SLC24A1: variants seen among roughly 807,000 people sequenced by gnomAD.
The protein encoded by SLC24A1 is sodium/potassium/calcium exchanger 1.
Under a neutral mutation model 88.1 loss-of-function variants are expected in SLC24A1, and 52 were observed. The ratio of observed to expected loss-of-function variants is 0.59; its 90% CI spans 0.47 to 0.74. The LOEUF (loss-of-function observed/expected upper bound fraction) is 0.74. Among genes scored for constraint, SLC24A1 ranks in the 30% least tolerant of loss-of-function variants. The probability of loss-of-function intolerance (pLI) is 0.00; values close to 1 mark genes in which losing one functional copy is unlikely to be tolerated. For synonymous variants in SLC24A1, 455 were observed against 498.0 expected, an observed-to-expected ratio of 0.91 and a Z score of 1.15; for missense variants, 1,173 against 1,363.3, an observed-to-expected ratio of 0.86 and a Z score of 2.20.
chr15:65,626,724 G>A (rs1278688266), intron 2 of SLC24A1, among the ~76,000 whole-genome samples: 1 of 152,138 alleles, frequency 6.6e-6, no homozygotes, highest in Non-Finnish European at 1.5e-5. Context: ...TTCATTGGAT[G>A]ATTCAATAAC....
chr15:65,639,821 T>C lies in SLC24A1; in HGVS notation c.2053+118T>C, dbSNP rs945339364. ...GCAGTGAGGAGGGAGTGGGAAGAGA[T>C]AATAAGCAGAGGAAAGTAGTAAAAG... On this transcript the variant is annotated intron_variant, in intron 4 of 9. Transcript: ENST00000261892. 4.1e-6 allele frequency: 3 copies of C among 735,486 alleles called. No individual in the cohort carries two copies. In the South Asian group the frequency reaches 4.5e-5, roughly 11 times the overall value. The allele number at this position is 735,486 out of a possible 1,614,324, so 45.6% of individuals were successfully genotyped here. A position where few individuals can be genotyped will look rare whatever the true frequency, so the allele number is the denominator to read the frequency against.
In SLC24A1 at chr15:65,654,074, G is replaced by A; in HGVS notation, c.3295G>A (p.Val1099Ile). 4 of 1,611,688 alleles carry A rather than the reference G, an allele frequency of 2.5e-6. No homozygotes were observed. The highest frequency in any genetic ancestry group is 3.4e-6 in the Non-Finnish European group (4 of 1,178,068). ...TCGAATCATATCCTGTCCTGTATCT[G>A]TCTGAATCAGTCACTCTTGCTCACA... ...EDRIISCPVS[V>I] The change falls in exon 10 of 10, where the codon GTC becomes ATC. Residue 1099 changes from valine to isoleucine, a missense_variant. Transcript: ENST00000261892.
chr15:65,643,954 T>C (rs759979163), intron 4 of SLC24A1: 13 of 173,498 alleles, frequency 7.5e-5, no homozygotes, highest in Non-Finnish European at 1.2e-4. Context: ...GATAATATAG[T>C]CCAAGGATGG....
downstream of SLC24A1, among the ~76,000 whole-genome samples, chr15:65,658,913 C>T (rs1267689738): frequency 1.3e-5 from 2 of 152,044 alleles, no homozygotes; most frequent in African/African-American, 2.4e-5. Context: ...GAAAACCTTA[C>T]AATTAAATAT....
At chr15:65,651,545 GTC>G in intron 7 of SLC24A1, 123 bp from the exon 8 acceptor site, 1 of 654,216 alleles carries the variant, frequency 1.5e-6, no homozygotes. Flanking sequence ...CAGGTCAAAT[GTC>G]TCCATTTTGC....
intron 2 of SLC24A1, among the ~76,000 whole-genome samples, chr15:65,614,974 G>A (rs903924843): frequency 1.3e-5 from 2 of 152,184 alleles, no homozygotes; most frequent in African/African-American, 2.4e-5. Context: ...TCAGCTCTTC[G>A]GGAGGCGGAG....
At chr15:65,633,976 G>A (rs1172585880) in intron 2 of SLC24A1, among the ~76,000 whole-genome samples, 1 of 152,166 alleles carries the variant, frequency 6.6e-6, no homozygotes, top group Non-Finnish European at 1.5e-5. Flanking sequence ...GCAGAGACAA[G>A]GCGAAATGTG....
intron 2 of SLC24A1, among the ~76,000 whole-genome samples, chr15:65,613,599 C>A (rs1459760730): frequency 6.6e-6 from 1 of 151,992 alleles, no homozygotes; most frequent in Admixed American, 6.6e-5. Flanking sequence ...CCCCCCCAAC[C>A]TCAACCTCCC....
In SLC24A1 at chr15:65,639,637, C is replaced by T. The variant is rs2075056766; in HGVS notation, c.1987C>T (p.His663Tyr). 6.2e-7 allele frequency: 1 copy of T among 1,613,020 alleles called. No homozygotes were observed. ...CCGAGGGAGCAGCTCGACCTCTCTG[C>T]ACAACAGCACCATCCGCAGCACCAT... ...LTRGSSSTSLHNSTIRSTIYQ... is the reference protein window; with the variant it reads ...LTRGSSSTSLYNSTIRSTIYQ... Residue 663 changes from histidine (H) to tyrosine (Y), a missense_variant, in exon 4 of 10, where the codon CAC (histidine) becomes TAC (tyrosine). Coordinates refer to ENST00000261892, the MANE Select transcript of SLC24A1 (RefSeq NM_004727.3).
upstream of SLC24A1, among the ~76,000 whole-genome samples, chr15:65,620,544 T>C (rs76702386): frequency 0.062 from 9,394 of 152,174 alleles, 402 homozygotes; most frequent in Non-Finnish European, 0.093. Flanking sequence ...CCATTCTTGG[T>C]TGAGCAGCCA....
chr15:65,650,461 A>G lies in SLC24A1; in HGVS notation c.2312A>G (p.Glu771Gly). Residue 771 changes from glutamate to glycine, a missense_variant, in exon 7 of 10, where the codon GAG (glutamate) becomes GGG (glycine). By Grantham distance (98) the Glu-to-Gly change is moderately conservative. Transcript: ENST00000261892. The surrounding 1 kb of genome is among the most constrained non-coding windows in gnomAD (Gnocchi z 4.1). Reference protein sequence around the residue: ...GETAGEGETEEKSGGETQPEG... With the variant: ...GETAGEGETEGKSGGETQPEG... ...ACTGCTGGTGAAGGTGAAACTGAAGAGAAAAGTGGAGGTGAAACTCAACCA... is the reference window on the plus strand; with the variant it reads ...ACTGCTGGTGAAGGTGAAACTGAAGGGAAAAGTGGAGGTGAAACTCAACCA... The G allele has an allele frequency of 6.4e-7, 1 of 1,551,776 alleles. No homozygotes were observed. The highest frequency in any genetic ancestry group is 8.7e-7 in the Non-Finnish European group (1 of 1,146,990).
At chr15:65,617,355 CGTG>C (rs1386907889), upstream of SLC24A1, among the ~76,000 whole-genome samples, 2 of 152,138 alleles carry the variant, frequency 1.3e-5, no homozygotes, top group African/African-American at 4.8e-5. Context: ...TCTTCCTATC[CGTG>C]AGCATGGAAT....
Position 65,625,318 on chromosome 15 carries a change from C to G in SLC24A1, c.1238C>G (p.Thr413Arg). 1 of 1,614,052 alleles carries G rather than the reference C, an allele frequency of 6.2e-7. No homozygotes were observed. The highest frequency in any genetic ancestry group is 1.1e-5 in the South Asian group (1 of 91,088). The stretch of plus-strand genomic sequence containing the variant: ...ACCACTCCCTCCCCAAGCCTCACAA[C>G]AGCCCTGCTCCCAGAGGAGCTCAGT... ...MLTTPSPSLT[T>R]ALLPEELSPS... The change falls in exon 2 of 10, where the codon ACA becomes AGA. Residue 413 changes from threonine to arginine, a missense_variant. Thr to Arg is a moderately conservative substitution (Grantham distance 71). Coordinates refer to ENST00000261892, the MANE Select transcript of SLC24A1 (RefSeq NM_004727.3).
downstream of SLC24A1, among the ~76,000 whole-genome samples, chr15:65,657,710 T>C (rs183100114): frequency 6.6e-6 from 1 of 152,390 alleles, no homozygotes; most frequent in East Asian, 1.9e-4. Context: ...TACTCTTGGT[T>C]CTGACCCTTT....
At chr15:65,621,345 C>T (rs1011919707), upstream of SLC24A1, among the ~76,000 whole-genome samples, 41 of 152,194 alleles carry the variant, frequency 2.7e-4, no homozygotes, top group Non-Finnish European at 5.9e-5. Flanking sequence ...GCACCAACTC[C>T]TCAGGTATCT....
chr15:65,655,728 T>C lies in SLC24A1; in HGVS notation c.*1649T>C, dbSNP rs1014413481. ...AAAACCCAAACATTTTGGCATTGAA[T>C]GATGGCTAAGGTGTTCCAAGTATTC... On this transcript the variant is annotated 3_prime_UTR_variant, in exon 10 of 10. Transcript: ENST00000261892. The C allele has an allele frequency of 1.0e-6, 1 of 985,398 alleles. No homozygotes were observed. The allele number at this position is 985,398 out of a possible 1,614,324, so 61.0% of individuals were successfully genotyped here.
In SLC24A1 at chr15:65,655,288, G is replaced by T; in HGVS notation, c.*1209G>T. 1.0e-6 allele frequency: 1 copy of T among 985,586 alleles called. No homozygotes were observed. The highest frequency in any genetic ancestry group is 1.2e-6 in the Non-Finnish European group (1 of 830,056). The allele number at this position is 985,586 out of a possible 1,614,324, so 61.1% of individuals were successfully genotyped here. A position where few individuals can be genotyped will look rare whatever the true frequency, so the allele number is the denominator to read the frequency against. ...GATCCAGTGGGACAATGCTATTTTT[G>T]TATGCCAACCTAGATAGGATTATAA... On this transcript the variant is annotated 3_prime_UTR_variant, in exon 10 of 10. Coordinates refer to ENST00000261892, the MANE Select transcript of SLC24A1 (RefSeq NM_004727.3).
At chr15:65,644,338 G>A (rs1440478530) in intron 4 of SLC24A1, 89 bp from the exon 5 acceptor site, 5 of 894,786 alleles carry the variant, frequency 5.6e-6, no homozygotes, top group Middle Eastern at 2.1e-4. Flanking sequence ...GCTGCCCTCT[G>A]GCTGCTCAGC....
downstream of SLC24A1, among the ~76,000 whole-genome samples, chr15:65,656,898 C>A (rs1306350396): frequency 6.6e-6 from 1 of 152,194 alleles, no homozygotes; most frequent in African/African-American, 2.4e-5. Flanking sequence ...AGAGACGGGG[C>A]CTTGCCCTGT....
Sources: gnomAD v4.1 joint callset for allele counts (sites outside exome capture counted in the v4.1 genomes callset) on GRCh38, gnomAD v4.1.1 for gene constraint, Gnocchi (gnomAD v3.1) non-coding constraint, MANE v1.5 for transcripts, NCBI Gene and HGNC (gene_info 2026-07-23, HGNC 2026-07-21) for gene names.